The following NCAM1 variants were observed in gnomAD, a reference collection of about 807,000 sequenced individuals.
NCAM1 encodes the protein antigen recognized by monoclonal antibody 5.1H11.
NCAM1 carries 14 observed loss-of-function variants against 109.8 expected under a neutral mutation model. The ratio of observed to expected loss-of-function variants is 0.13; its 90% confidence interval spans 0.08 to 0.20. The LOEUF (loss-of-function observed/expected upper bound fraction) is 0.20. Among genes scored for constraint, NCAM1 ranks in the 10% least tolerant of loss-of-function variants. NCAM1 has a pLI of 1.00. For synonymous variants in NCAM1, 418 were observed against 442.9 expected (o/e 0.94, Z 0.70); for missense variants, 774 against 1,109.9 (o/e 0.70, Z 4.30).
chr11:113,193,687 A>AAGAGAG (rs1305316750), intron 1 of NCAM1, among the ~76,000 whole-genome samples: 1 of 152,048 alleles, frequency 6.6e-6, no homozygotes, highest in Non-Finnish European at 1.5e-5. Context: ...GAAACAGAGA[A>AAGAGAG]AGAGAGAAAG....
intron 1 of NCAM1, among the ~76,000 whole-genome samples, chr11:113,060,585 T>C (rs1372368821): frequency 1.3e-5 from 2 of 152,258 alleles, no homozygotes; most frequent in African/African-American, 2.4e-5. Context: ...AAATTATTTA[T>C]AGTTCTAGAA....
At chr11:113,016,885 C>T (rs185260106) in intron 1 of NCAM1, among the ~76,000 whole-genome samples, 3 of 152,130 alleles carry the variant, frequency 2.0e-5, no homozygotes, top group Admixed American at 2.0e-4. Flanking sequence ...CTGCATGCAC[C>T]GGCAAAACAT....
At chr11:113,145,007 C>G (rs906356162) in intron 1 of NCAM1, among the ~76,000 whole-genome samples, 1 of 152,192 alleles carries the variant, frequency 6.6e-6, no homozygotes, top group East Asian at 1.9e-4. Flanking sequence ...ATTGACCTTA[C>G]AGCAATTCAC....
intron 1 of NCAM1, among the ~76,000 whole-genome samples, chr11:113,140,324 T>C (rs1941767525): frequency 6.6e-6 from 1 of 152,128 alleles, no homozygotes; most frequent in Non-Finnish European, 1.5e-5. Context: ...GTGGAAGCCA[T>C]AGTTGAACAC....
chr11:113,202,843 A>C (rs1555112147), intron 2 of NCAM1, among the ~76,000 whole-genome samples: 1 of 152,214 alleles, frequency 6.6e-6, no homozygotes, highest in East Asian at 1.9e-4. Flanking sequence ...TTTAAGGCTT[A>C]TTTCTTAGAA....
At chr11:113,043,156 T>A (rs1953137692) in intron 1 of NCAM1, among the ~76,000 whole-genome samples, 1 of 151,418 alleles carries the variant, frequency 6.6e-6, no homozygotes, top group Non-Finnish European at 1.5e-5. Flanking sequence ...GAGGGGGCAC[T>A]GGGGACAGAT....
intron 14 of NCAM1, chr11:113,243,693 C>A: frequency 2.2e-6 from 1 of 445,214 alleles, no homozygotes; most frequent in South Asian, 1.6e-5. Context: ...GTTCAAGCAT[C>A]AAAGCTGTGT....
At chr11:113,146,439 C>T (rs17115004) in intron 1 of NCAM1, among the ~76,000 whole-genome samples, 10,918 of 152,234 alleles carry the variant, frequency 0.072, 1,219 homozygotes, top group African/African-American at 0.24. Flanking sequence ...CACCTAGACA[C>T]TCTTCCAAAT....
intron 1 of NCAM1, among the ~76,000 whole-genome samples, chr11:112,982,471 T>C (rs566183516): frequency 4.0e-5 from 6 of 151,818 alleles, no homozygotes; most frequent in South Asian, 2.1e-4. Flanking sequence ...TTTTGGGAAG[T>C]TGGATTTGTT....
At chr11:113,077,925 G>T (rs1938604359) in intron 1 of NCAM1, among the ~76,000 whole-genome samples, 1 of 152,070 alleles carries the variant, frequency 6.6e-6, no homozygotes, top group African/African-American at 2.4e-5. Context: ...GACCTCAGGT[G>T]ATTCACCCAC....
intron 1 of NCAM1, among the ~76,000 whole-genome samples, chr11:113,101,959 T>TACAA (rs1565437182): frequency 1.6e-4 from 25 of 152,248 alleles, no homozygotes; most frequent in Non-Finnish European, 8.8e-5. Context: ...CATGATGTTC[T>TACAA]GTTAGTTTTT....
At chr11:113,117,486 T>TG (rs1940762350) in intron 1 of NCAM1, among the ~76,000 whole-genome samples, 1 of 151,930 alleles carries the variant, frequency 6.6e-6, no homozygotes, top group African/African-American at 2.4e-5. Context: ...TCAGACCAAC[T>TG]ATTTGTGTTG....
intron 1 of NCAM1, among the ~76,000 whole-genome samples, chr11:113,105,019 C>T (rs1427210225): frequency 1.3e-5 from 2 of 152,206 alleles, no homozygotes; most frequent in Non-Finnish European, 2.9e-5. Context: ...CCTGATTTGC[C>T]TATTGATCTG....
At position 113,217,056 on chromosome 11, in the gene NCAM1, C is replaced by A. The variant is rs191005957; in HGVS notation, c.1059+2545C>A. ...TTTAAAATCAGGGTGATATGCTAAG[C>A]AAACAAGAATAGATGATTGTATCTA... On this transcript the variant is annotated intron_variant, in intron 8 of 19. Coordinates refer to ENST00000316851, the MANE Select transcript of NCAM1 (RefSeq NM_181351.5). Among the ~76,000 whole-genome samples, 5 of 152,270 alleles carry A rather than the reference C, an allele frequency of 3.3e-5. No homozygotes were observed. The East Asian group carries it at 7.7e-4, about 23-fold the overall frequency.
At chr11:113,095,869 C>A (rs1189517146) in intron 1 of NCAM1, among the ~76,000 whole-genome samples, 2 of 152,130 alleles carry the variant, frequency 1.3e-5, no homozygotes, top group Non-Finnish European at 2.9e-5. Context: ...TCTGCCAGTG[C>A]CTCAGTTTCT....
intron 5 of NCAM1, among the ~76,000 whole-genome samples, chr11:113,207,032 C>A (rs1360197639): frequency 6.6e-6 from 1 of 152,190 alleles, no homozygotes; most frequent in Non-Finnish European, 1.5e-5. Context: ...ATTACTATAG[C>A]TTCTCAATTA....
At chr11:113,013,731 T>C (rs1392772592) in intron 1 of NCAM1, among the ~76,000 whole-genome samples, 1 of 152,208 alleles carries the variant, frequency 6.6e-6, no homozygotes, top group Non-Finnish European at 1.5e-5. Context: ...TGTGTTATAT[T>C]AGCCAAGTTA....
chr11:113,050,763 G>A (rs1555081688), intron 1 of NCAM1, among the ~76,000 whole-genome samples: 2 of 152,088 alleles, frequency 1.3e-5, no homozygotes, highest in Admixed American at 6.5e-5. Context: ...AGCATCCAGG[G>A]CAGTCACTTT....
chr11:113,264,756 A>G, intron 17 of NCAM1: 1 of 985,472 alleles, frequency 1.0e-6, no homozygotes. Flanking sequence ...ATCTCAACAC[A>G]TCCCAGGGTC....
Sources: allele counts gnomAD v4.1 joint callset (sites outside exome capture counted in the v4.1 genomes callset), GRCh38; gene constraint gnomAD v4.1.1; transcripts MANE v1.5; gene names NCBI Gene and HGNC (gene_info 2026-07-23, HGNC 2026-07-21).